The following HTR3B variants were observed in gnomAD, a reference collection of about 807,000 sequenced individuals.
HTR3B encodes 5-hydroxytryptamine receptor 3B.
HTR3B carries 44 observed loss-of-function variants against 42.8 expected under a neutral mutation model. The observed-to-expected ratio is 1.03, with a 90% CI of 0.81 to 1.32. The LOEUF (loss-of-function observed/expected upper bound fraction) is 1.32. Ranked by LOEUF, HTR3B falls within the 40% of genes most tolerant of loss-of-function variation. The pLI is 0.00. For synonymous variants in HTR3B, 203 were observed against 209.0 expected (o/e 0.97, Z 0.25); for missense variants, 527 against 536.5 (o/e 0.98, Z 0.17).
At chr11:113,931,658 G>A (rs528279875) in intron 3 of HTR3B, 100 bp from the exon 4 acceptor site, 1 of 781,160 alleles carries the variant, frequency 1.3e-6, no homozygotes, top group South Asian at 1.6e-5. Context: ...GAACCAAGAG[G>A]CTGATAAATT....
chr11:113,923,059 A>G (rs1341660135), intron 2 of HTR3B, among the ~76,000 whole-genome samples: 1 of 152,154 alleles, frequency 6.6e-6, no homozygotes, highest in South Asian at 2.1e-4. Flanking sequence ...CAATTCTAGG[A>G]TTATCTTTAC....
chr11:113,899,460 G>A, the HTR3B span, among the ~76,000 whole-genome samples: 1 of 152,128 alleles, frequency 6.6e-6, no homozygotes, highest in South Asian at 2.1e-4. Flanking sequence ...CAGAAAATTT[G>A]GTTCCCCGAA....
Position 113,948,730 on chromosome 11 carries a change from G to A in HTR3B, c.*2593G>A, listed in dbSNP as rs11214780. On this transcript the variant is annotated 3_prime_UTR_variant, in exon 9 of 9. Coordinates refer to ENST00000260191, the MANE Select transcript of HTR3B (RefSeq NM_006028.5). The stretch of plus-strand genomic sequence containing the variant: ...AATACAAAATTAGCCAGGCGTGGTG[G>A]CACATGCCTGTAATCCCACCTACTC... Among the ~76,000 whole-genome samples the A allele has an allele frequency of 0.2, 31,152 of 152,102 alleles. 3,516 individuals are homozygous for A. The highest frequency in any genetic ancestry group is 0.36 in the Middle Eastern group (105 of 294).
chr11:113,902,999 G>C (rs12099090), upstream of HTR3B, among the ~76,000 whole-genome samples: 2,592 of 152,258 alleles, frequency 0.017, 68 homozygotes, highest in African/African-American at 0.058. Context: ...CTCCCAAGTA[G>C]CTGGGACTAC....
In HTR3B at chr11:113,943,428, G is replaced by T. The variant is rs144994631; in HGVS notation, c.907+236G>T. On this transcript the variant is annotated intron_variant, in intron 7 of 8. Coordinates refer to ENST00000260191, the MANE Select transcript of HTR3B (RefSeq NM_006028.5). Reference sequence around the variant, plus strand: ...TACTCACTACAACCTCTGCCTCCTGGGCTCAAGCAATTCTCCTGCCTCAGC... The same window carrying T: ...TACTCACTACAACCTCTGCCTCCTGTGCTCAAGCAATTCTCCTGCCTCAGC... Among the ~76,000 whole-genome samples the T allele has an allele frequency of 3.6e-3, 548 of 152,208 alleles. 6 individuals are homozygous for T. Among genetic ancestry groups the T allele is most frequent in the Middle Eastern group, 0.017 (5 of 292 alleles).
At chr11:113,923,933 T>C (rs896384413) in intron 2 of HTR3B, among the ~76,000 whole-genome samples, 23 of 152,162 alleles carry the variant, frequency 1.5e-4, no homozygotes, top group African/African-American at 5.6e-4. Context: ...ATCATTGTTA[T>C]ATGTAATGTG....
chr11:113,901,724 T>A (rs1949698850), upstream of HTR3B, among the ~76,000 whole-genome samples: 1 of 152,166 alleles, frequency 6.6e-6, no homozygotes, highest in Non-Finnish European at 1.5e-5. Flanking sequence ...GTATTACACA[T>A]CATTAGTAAT....
the HTR3B span, among the ~76,000 whole-genome samples, chr11:113,899,736 C>T: frequency 4.6e-5 from 7 of 152,182 alleles, no homozygotes; most frequent in African/African-American, 1.7e-4. Flanking sequence ...AATAAACCCT[C>T]TCCCCTTGCT....
chr11:113,909,890 G>A (rs1442765826), intron 2 of HTR3B, among the ~76,000 whole-genome samples: 1 of 151,214 alleles, frequency 6.6e-6, no homozygotes, highest in East Asian at 1.9e-4. Context: ...AGGATGAAGA[G>A]GGAGAATAGC....
At chr11:113,935,290 G>A (rs568606689) in intron 6 of HTR3B, among the ~76,000 whole-genome samples, 8 of 152,026 alleles carry the variant, frequency 5.3e-5, no homozygotes, top group Non-Finnish European at 1.2e-4. Context: ...CCCCGGGTAC[G>A]TTTTGAAGTG....
chr11:113,935,623 A>C (rs1249658247), intron 6 of HTR3B, among the ~76,000 whole-genome samples: 2 of 152,024 alleles, frequency 1.3e-5, no homozygotes, highest in African/African-American at 4.8e-5. Context: ...CTTACTCCAT[A>C]CCAGACATCC....
At chr11:113,924,624 C>CAAAAAA (rs34212177) in intron 2 of HTR3B, among the ~76,000 whole-genome samples, 2 of 52,234 alleles carry the variant, frequency 3.8e-5, no homozygotes, top group Non-Finnish European at 6.5e-5. Context: ...GACCTTGTCT[C>CAAAAAA]AAAAAAAAAA....
At position 113,946,035 on chromosome 11, in the gene HTR3B, C is replaced by A. The variant is rs919330456; in HGVS notation, c.1224C>A (p.Leu408=). 6.2e-7 allele frequency: 1 copy of A among 1,614,070 alleles called. No individual in the cohort carries two copies. The highest frequency in any genetic ancestry group is 8.5e-7 in the Non-Finnish European group (1 of 1,179,992). The change falls in exon 9 of 9, where the codon CTC becomes CTA. Residue 408 remains leucine (L), a synonymous_variant. Coordinates refer to ENST00000260191, the MANE Select transcript of HTR3B (RefSeq NM_006028.5). ...AACAGGAGGCAGAGTGGCTGGTCCT[C>A]CTGTCCCGCTTTGACCGACTGCTCT... ...TDQQEAEWLV[L]LSRFDRLLFQ... is the part of the protein sequence containing the mutation.
chr11:113,942,976 G>A lies in HTR3B; in HGVS notation c.697-6G>A, dbSNP rs188392831. On this transcript the variant is annotated splice_region_variant and splice_polypyrimidine_tract_variant and intron_variant, in intron 6 of 8. Transcript: ENST00000260191. ...TCTTTTCATCAGACCACTTGTTCCCGGCCAGGTGGTGATGCGCAGGCACCC... is the reference window on the plus strand; with the variant it reads ...TCTTTTCATCAGACCACTTGTTCCCAGCCAGGTGGTGATGCGCAGGCACCC... 1.5e-5 allele frequency: 24 copies of A among 1,613,634 alleles called. No homozygotes were observed. Among genetic ancestry groups the A allele is most frequent in the South Asian group, 9.9e-5 (9 of 91,018 alleles).
intron 2 of HTR3B, among the ~76,000 whole-genome samples, chr11:113,913,912 A>T (rs1320074745): frequency 6.6e-6 from 1 of 152,162 alleles, no homozygotes; most frequent in Non-Finnish European, 1.5e-5. Flanking sequence ...AGGGAGAGAA[A>T]GCTGACCTGA....
chr11:113,923,756 A>G (rs1389714727), intron 2 of HTR3B, among the ~76,000 whole-genome samples: 4 of 152,226 alleles, frequency 2.6e-5, no homozygotes, highest in Non-Finnish European at 5.9e-5. Flanking sequence ...GAATAATGCC[A>G]CCAGAGAACC....
rs563071423 is a variant in HTR3B, at chr11:113,929,981, G to A, written c.214-1403G>A. On this transcript the variant is annotated intron_variant, in intron 2 of 8. Coordinates refer to ENST00000260191, the MANE Select transcript of HTR3B (RefSeq NM_006028.5). ...TCTCCTGATCTCGTGATCCACCCAC[G>A]AGCCTCAGCCTCCCAAACTGCTGGG... Among the ~76,000 whole-genome samples, 3 of 152,098 alleles carry A rather than the reference G, an allele frequency of 2.0e-5. 1 individual carries two copies. The highest frequency in any genetic ancestry group is 1.9e-4 in the East Asian group (1 of 5,162).
Position 113,931,836 on chromosome 11 carries a change from A to T in HTR3B, c.337A>T (p.Ile113Phe). 1.2e-6 allele frequency: 2 copies of T among 1,606,392 alleles called. No homozygotes were observed. Among genetic ancestry groups the T allele is most frequent in the Non-Finnish European group, 8.5e-7 (1 of 1,172,894 alleles). The change falls in exon 4 of 9, where the codon ATC becomes TTC. Residue 113 changes from isoleucine (I) to phenylalanine (F), a missense_variant. By Grantham distance (21) the Ile-to-Phe change is conservative. Coordinates refer to ENST00000260191, the MANE Select transcript of HTR3B (RefSeq NM_006028.5). ...AGAGATCTCCCTACCTCTAAGTGCC[A>T]TCTGGGCCCCCGATATCATCATCAA... is the stretch of plus-strand genomic sequence containing the variant. ...IREISLPLSA[I>F]WAPDIIINEF... is the part of the protein sequence containing the mutation.
intron 7 of HTR3B, among the ~76,000 whole-genome samples, chr11:113,943,489 A>G (rs952643316): frequency 6.6e-6 from 1 of 152,146 alleles, no homozygotes; most frequent in Non-Finnish European, 1.5e-5. Context: ...ACACACCACT[A>G]CACCTGGCTA....
Sources: allele counts gnomAD v4.1 joint callset (sites outside exome capture counted in the v4.1 genomes callset), GRCh38; gene constraint gnomAD v4.1.1; transcripts MANE v1.5; gene names NCBI Gene and HGNC (gene_info 2026-07-23, HGNC 2026-07-21).